MYOF: variants seen among roughly 807,000 people sequenced by gnomAD.
The protein encoded by MYOF is fer-1-like 3, myoferlin.
In MYOF, 244 loss-of-function variants were observed where a neutral mutation model predicts 284.2. The ratio of observed to expected loss-of-function variants is 0.86; its 90% CI spans 0.77 to 0.95. The LOEUF (loss-of-function observed/expected upper bound fraction) is 0.95. MYOF is among the 40% of genes least tolerant of loss of function. The pLI is 0.00. For missense variants in MYOF, 2,496 were observed against 2,560.6 expected (o/e 0.97, Z 0.54); for synonymous variants, 904 against 919.7 (o/e 0.98, Z 0.31).
chr10:93,308,584 C>CAA (rs35344958), intron 53 of MYOF, among the ~76,000 whole-genome samples: 1,345 of 94,564 alleles, frequency 0.014, 26 homozygotes, highest in African/African-American at 0.044. Context: ...GACTCTGTCT[C>CAA]AAAAAAAAAA....
chr10:93,356,297 T>A (rs1305923272), intron 30 of MYOF, among the ~76,000 whole-genome samples: 1 of 152,240 alleles, frequency 6.6e-6, no homozygotes, highest in African/African-American at 2.4e-5. Flanking sequence ...CCCCGACATC[T>A]GTATATTTAT....
At chr10:93,386,366 A>G (rs1339338196) in intron 19 of MYOF, among the ~76,000 whole-genome samples, 2 of 152,218 alleles carry the variant, frequency 1.3e-5, no homozygotes, top group Non-Finnish European at 2.9e-5. Context: ...TGGAATAGAA[A>G]GACTATGACC....
chr10:93,385,712 A>G (rs1432546011), intron 19 of MYOF, among the ~76,000 whole-genome samples: 1 of 152,160 alleles, frequency 6.6e-6, no homozygotes, highest in African/African-American at 2.4e-5. Context: ...ATATTTATTT[A>G]ATTAAAAAGA....
At position 93,364,027 on chromosome 10, in the gene MYOF, G is replaced by C; in HGVS notation, c.2802C>G (p.Val934=). 1 of 1,614,196 alleles carries C rather than the reference G, an allele frequency of 6.2e-7. No individual in the cohort carries two copies. Among genetic ancestry groups the C allele is most frequent in the African/African-American group, 1.3e-5 (1 of 75,062 alleles). The change falls in exon 27 of 54, where the codon GTC becomes GTG. Residue 934 remains valine (V), a synonymous_variant. Transcript: ENST00000359263. ...DAGHTEFTDE[V]YQNESRYPGG... is the part of the protein sequence containing the mutation. ...CGGGGTAGCGGCTCTCGTTCTGATA[G>C]ACTTCATCAGTGAACTCCGTGTGAC...
At chr10:93,337,572 C>T (rs1350950532) in intron 40 of MYOF, 1 of 445,658 alleles carries the variant, frequency 2.2e-6, no homozygotes, top group African/African-American at 2.0e-5. Context: ...CAACCATCTG[C>T]CAGATGCCTC....
chr10:93,408,776 A>G lies in MYOF; in HGVS notation c.729+11T>C. The G allele has an allele frequency of 1.2e-6, 2 of 1,614,014 alleles. No homozygotes were observed. Among genetic ancestry groups the G allele is most frequent in the East Asian group, 2.2e-5 (1 of 44,874 alleles). On this transcript the variant is annotated intron_variant, in intron 7 of 53. Coordinates refer to ENST00000359263, the MANE Select transcript of MYOF (RefSeq NM_013451.4). ...CTCATGAGCAGAAACATGCCCTCTC[A>G]ACCCCTTTACCTCATCAAAAAAAGG...
chr10:93,312,647 CT>C (rs5787051), intron 51 of MYOF, among the ~76,000 whole-genome samples: 30 of 147,032 alleles, frequency 2.0e-4, no homozygotes, highest in Admixed American at 2.7e-4. Context: ...CCAGCCCTAC[CT>C]TTTTTTTTTA....
chr10:93,337,204 T>C (rs1843656609), intron 40 of MYOF, among the ~76,000 whole-genome samples: 1 of 151,920 alleles, frequency 6.6e-6, no homozygotes, highest in Admixed American at 6.6e-5. Flanking sequence ...AAAGTTTTTT[T>C]TTCTCATATA....
Position 93,389,139 on chromosome 10 carries a change from G to C in MYOF, c.1472C>G (p.Thr491Arg), listed in dbSNP as rs1372885399. 3.1e-6 allele frequency: 5 copies of C among 1,613,512 alleles called. No homozygotes were observed. The African/African-American group carries it at 5.3e-5, about 17-fold the overall frequency. ...AAACGTTGGAACAAAGCCTACCTCT[G>C]TTTCTCCTGTGTTTACTGAGAGAGA... ...AASYTVNTGETEVGFVPTFGP... is the reference protein window; with the variant it reads ...AASYTVNTGEREVGFVPTFGP... The change falls in exon 18 of 54, where the codon ACA becomes AGA. Residue 491 changes from threonine (T) to arginine (R), a missense_variant. Thr to Arg is a moderately conservative substitution (Grantham distance 71). This residue lies in a region of MYOF where 2,436 missense variants were observed against 2,480.7 expected (regional missense o/e 0.98). Coordinates refer to ENST00000359263, the MANE Select transcript of MYOF (RefSeq NM_013451.4).
chr10:93,424,911 C>T (rs1848512937), intron 5 of MYOF, among the ~76,000 whole-genome samples: 1 of 148,914 alleles, frequency 6.7e-6, no homozygotes, highest in African/African-American at 2.5e-5. Context: ...AGGACTTCCT[C>T]CCAGGAGGGA....
At chr10:93,415,797 C>G (rs1415683970) in intron 5 of MYOF, among the ~76,000 whole-genome samples, 3 of 152,150 alleles carry the variant, frequency 2.0e-5, no homozygotes, top group African/African-American at 4.8e-5. Flanking sequence ...ATCGGTTTCC[C>G]CCTTTCTACT....
At chr10:93,408,654 A>G (rs1847745650) in intron 7 of MYOF, 133 bp downstream of exon 7, 3 of 1,225,734 alleles carry the variant, frequency 2.4e-6, no homozygotes, top group Non-Finnish European at 3.4e-6. Context: ...CCATGCGTTC[A>G]CATGGTCACA....
At chr10:93,364,184 C>T (rs1455584852) in intron 26 of MYOF, 109 bp from the exon 27 acceptor site, 2 of 813,190 alleles carry the variant, frequency 2.5e-6, no homozygotes, top group Admixed American at 2.2e-5. Context: ...CACCACTTCC[C>T]TCCTCGCTTT....
chr10:93,426,288 C>A (rs1848586725), intron 4 of MYOF, 130 bp from the exon 5 acceptor site: 1 of 857,424 alleles, frequency 1.2e-6, no homozygotes. Flanking sequence ...GTAAGCGAGG[C>A]TGGAAACGGG....
intron 21 of MYOF, among the ~76,000 whole-genome samples, chr10:93,378,928 C>A (rs1845986596): frequency 1.3e-5 from 2 of 151,732 alleles, no homozygotes; most frequent in African/African-American, 4.8e-5. Context: ...GCTGGCCAGG[C>A]TGGTCTCTAA....
chr10:93,447,126 C>T (rs977123013), intron 3 of MYOF, among the ~76,000 whole-genome samples: 2 of 152,164 alleles, frequency 1.3e-5, no homozygotes, highest in Admixed American at 6.6e-5. Flanking sequence ...CAGGACCTAT[C>T]ATATTTTCTT....
intron 16 of MYOF, among the ~76,000 whole-genome samples, chr10:93,394,932 A>G (rs1450430402): frequency 6.6e-6 from 1 of 151,020 alleles, no homozygotes; most frequent in Non-Finnish European, 1.5e-5. Flanking sequence ...ATATGTATAT[A>G]TATAATAACC....
At chr10:93,313,316 G>A (rs1412066570) in intron 50 of MYOF, 106 bp from the exon 51 acceptor site, 1 of 1,103,904 alleles carries the variant, frequency 9.1e-7, no homozygotes, top group African/African-American at 1.6e-5. Context: ...CAGTGATTTT[G>A]AACAGGTAAA....
At chr10:93,475,621 T>G (rs1285260022) in intron 1 of MYOF, among the ~76,000 whole-genome samples, 1 of 152,244 alleles carries the variant, frequency 6.6e-6, no homozygotes, top group African/African-American at 2.4e-5. Context: ...GCCAGTTCTT[T>G]GCTACATGCT....
Sources: gnomAD v4.1 joint callset for allele counts (sites outside exome capture counted in the v4.1 genomes callset) on GRCh38, gnomAD v4.1.1 for gene constraint, gnomAD v4.1.1 regional missense constraint, MANE v1.5 for transcripts, NCBI Gene and HGNC (gene_info 2026-07-23, HGNC 2026-07-21) for gene names.